Variants in ABR observed in about 807,000 individuals in gnomAD.
The protein encoded by ABR is active breakpoint cluster region-related protein.
In ABR, 35 loss-of-function variants were observed where a neutral mutation model predicts 107.2. The observed-to-expected ratio is 0.33, with a 90% confidence interval of 0.25 to 0.43. The LOEUF is 0.43. Ranked by LOEUF, ABR falls within the 20% of genes least tolerant of loss-of-function variation. ABR has a pLI of 1.00. For missense variants in ABR, 815 were observed against 1,115.2 expected (o/e 0.73, Z 3.83); for synonymous variants, 498 against 462.0 (o/e 1.08, Z -1.00).
rs191681650 is a variant in ABR at position 1,083,918 on chromosome 17, C to G, written c.532-291G>C. The stretch of plus-strand genomic sequence containing the variant: ...TAGAAATTCAACTCTTCACAGCATC[C>G]AGCTTTCCTCAGCACGGTGAAGGTC... On this transcript the variant is annotated intron_variant, in intron 4 of 22. Transcript: ENST00000302538. 1.8e-4 allele frequency: 72 copies of G among 392,248 alleles called. 1 individual carries two copies. In the Admixed American group the frequency reaches 2.6e-3, roughly 14 times the overall value. The allele number at this position is 392,248 out of a possible 1,614,324, so 24.3% of individuals were successfully genotyped here.
intron 1 of ABR, among the ~76,000 whole-genome samples, chr17:1,164,350 C>T: frequency 7.0e-6 from 1 of 143,502 alleles, no homozygotes; most frequent in African/African-American, 2.6e-5. Context: ...GTCGGAGCAT[C>T]TAGGTGGGAC....
Position 1,199,603 on chromosome 17 carries a change from C to A in ABR, c.838+29190G>T, listed in dbSNP as rs572624475. ...AGCTAGGATTACAGACGCCCGCCAC[C>A]ACGCCCGGCTAATTTTTGCATTTTC... On this transcript the variant is annotated intron_variant, in intron 1 of 22. Transcript: ENST00000574139. Among the ~76,000 whole-genome samples, 15 of 151,602 alleles carry A rather than the reference C, an allele frequency of 9.9e-5. No homozygotes were observed. The South Asian group carries it at 3.1e-3, about 32-fold the overall frequency.
intron 4 of ABR, among the ~76,000 whole-genome samples, chr17:1,089,743 T>A (rs958114594): frequency 1.3e-5 from 2 of 152,180 alleles, no homozygotes; most frequent in African/African-American, 4.8e-5. Flanking sequence ...GCGGATCACC[T>A]GAGGTCAGGA....
At chr17:1,057,687 C>CTGTG (rs1051402007) in intron 12 of ABR, among the ~76,000 whole-genome samples, 1 of 119,166 alleles carries the variant, frequency 8.4e-6, no homozygotes, top group Non-Finnish European at 1.8e-5. Flanking sequence ...GTGTGTGTCT[C>CTGTG]TGTGTGTGTG....
chr17:1,103,047 T>C (rs1370378432), intron 2 of ABR, among the ~76,000 whole-genome samples: 1 of 152,066 alleles, frequency 6.6e-6, no homozygotes, highest in East Asian at 1.9e-4. Flanking sequence ...AGAATAAATT[T>C]GTGTGGTTTT....
intron 1 of ABR, among the ~76,000 whole-genome samples, chr17:1,194,395 A>G (rs1047464566): frequency 6.6e-6 from 1 of 150,872 alleles, no homozygotes; most frequent in East Asian, 2.0e-4. Flanking sequence ...GAGGGGTTTC[A>G]CCATGTTGGC....
At chr17:1,181,386 AG>A (rs944598110), upstream of ABR, among the ~76,000 whole-genome samples, 1 of 152,102 alleles carries the variant, frequency 6.6e-6, no homozygotes, top group Admixed American at 6.6e-5. Context: ...TGGGTGGGGA[AG>A]CCTCTACAGG....
intron 1 of ABR, among the ~76,000 whole-genome samples, chr17:1,163,245 G>A (rs542694983): frequency 1.7e-4 from 26 of 152,316 alleles, no homozygotes; most frequent in African/African-American, 3.8e-4. Flanking sequence ...CTAGGCTAAC[G>A]TTAGCTATTA....
intron 2 of ABR, among the ~76,000 whole-genome samples, chr17:1,120,051 T>C (rs9746991): frequency 0.74 from 112,800 of 151,876 alleles, 41,971 homozygotes; most frequent in East Asian, 0.88. Context: ...TGAACTACCA[T>C]GCCCAGCTAA....
At chr17:1,087,338 G>A (rs925685021) in intron 4 of ABR, among the ~76,000 whole-genome samples, 4 of 152,062 alleles carry the variant, frequency 2.6e-5, no homozygotes, top group Admixed American at 6.6e-5. Context: ...CAGGCTGGCC[G>A]CAGCATCGGC....
At chr17:1,085,135 T>G (rs575011026) in intron 4 of ABR, among the ~76,000 whole-genome samples, 1 of 115,948 alleles carries the variant, frequency 8.6e-6, no homozygotes, top group East Asian at 2.6e-4. Flanking sequence ...TTTTTTGAGA[T>G]GGAGTCTCGC....
intron 5 of ABR, 195 bp downstream of exon 5, chr17:1,083,325 T>A (rs565214943): frequency 9.3e-6 from 2 of 215,232 alleles, no homozygotes; most frequent in Non-Finnish European, 1.8e-5. Flanking sequence ...AAGAGAATAA[T>A]AAAAAAATAA....
intron 16 of ABR, among the ~76,000 whole-genome samples, chr17:1,023,311 G>C (rs1202172691): frequency 6.6e-6 from 1 of 152,222 alleles, no homozygotes; most frequent in Non-Finnish European, 1.5e-5. Context: ...GCTGCTCTTG[G>C]AGGCCCCACA....
At chr17:1,100,949 G>A (rs111615663) in intron 2 of ABR, 12 of 574,106 alleles carry the variant, frequency 2.1e-5, no homozygotes, top group African/African-American at 5.6e-5. Context: ...TCAGCCTCCC[G>A]AGTAGCTGGG....
At chr17:1,193,967 A>G (rs111688664) in intron 1 of ABR, among the ~76,000 whole-genome samples, 1 of 152,002 alleles carries the variant, frequency 6.6e-6, no homozygotes, top group Admixed American at 6.6e-5. Flanking sequence ...GTGCTGGGAT[A>G]ACAGGCGTGA....
upstream of ABR, among the ~76,000 whole-genome samples, chr17:1,181,230 G>A (rs3813442): frequency 0.031 from 4,785 of 152,274 alleles, 131 homozygotes; most frequent in East Asian, 0.14. Flanking sequence ...AGTTCTTAAG[G>A]GGAGAAGCAG....
At chr17:1,034,825 G>A (rs1429563687) in intron 16 of ABR, among the ~76,000 whole-genome samples, 1 of 152,136 alleles carries the variant, frequency 6.6e-6, no homozygotes, top group African/African-American at 2.4e-5. Context: ...GCCACAGGGT[G>A]CAGACTGCGA....
At chr17:1,064,639 G>C (rs528683651) in intron 10 of ABR, among the ~76,000 whole-genome samples, 6 of 128,734 alleles carry the variant, frequency 4.7e-5, no homozygotes, top group South Asian at 2.7e-4. Flanking sequence ...TATGTGAACT[G>C]AGGGCTATGC....
chr17:1,196,056 AAGG>A (rs746291406), intron 1 of ABR, among the ~76,000 whole-genome samples: 7 of 143,510 alleles, frequency 4.9e-5, no homozygotes, highest in East Asian at 4.2e-4. Context: ...TTGAACCAAG[AAGG>A]AGAAGGTTGC....
Sources: gnomAD v4.1 joint callset for allele counts (sites outside exome capture counted in the v4.1 genomes callset) on GRCh38, gnomAD v4.1.1 for gene constraint, MANE v1.5 for transcripts, NCBI Gene and HGNC (gene_info 2026-07-23, HGNC 2026-07-21) for gene names.